The following CHTF18 variants were observed in gnomAD, a reference collection of about 807,000 sequenced individuals.
CHTF18 encodes chromosome transmission fidelity factor 18.
Under a neutral mutation model 113.4 loss-of-function variants are expected in CHTF18, and 151 were observed. The ratio of observed to expected loss-of-function variants is 1.33; its 90% CI spans 1.17 to 1.52. The LOEUF (loss-of-function observed/expected upper bound fraction) is 1.52. Among genes scored for constraint, CHTF18 ranks in the 40% most tolerant of loss-of-function variants. The pLI is 0.00. For missense variants in CHTF18, 1,982 were observed against 1,381.6 expected, an observed-to-expected ratio of 1.43 and a Z score of -6.89; for synonymous variants, 916 against 598.8, an observed-to-expected ratio of 1.53 and a Z score of -7.74.
chr16:793,877 G>T, intron 14 of CHTF18, 177 bp from the exon 15 acceptor site: 1 of 682,580 alleles, frequency 1.5e-6, no homozygotes, highest in South Asian at 1.8e-5. Context: ...ATGTTTCAGG[G>T]GGTTGAGGTC....
At position 792,476 on chromosome 16, in the gene CHTF18, A is replaced by AGGGGCCACAGGAGGT. The variant is rs753165810; in HGVS notation, c.1376_1390dup (p.Glu459_Gln463dup). 347 of 1,584,674 alleles carry AGGGGCCACAGGAGGT rather than the reference A, an allele frequency of 2.2e-4. No homozygotes were observed. Among genetic ancestry groups the AGGGGCCACAGGAGGT allele is most frequent in the Admixed American group, 1.1e-4 (6 of 54,564 alleles). ...GTCCTCCTGAGCATCCTGAACCGCA[A>AGGGGCCACAGGAGGT]GGGGCCACAGGAGGTGGGGCCACAG... On this transcript the variant is annotated inframe_insertion, in exon 11 of 22. Transcript: ENST00000262315.
chr16:794,302 T>C (rs2042280021), intron 15 of CHTF18, 101 bp downstream of exon 15: 6 of 1,385,950 alleles, frequency 4.3e-6, no homozygotes, highest in Non-Finnish European at 5.9e-6. Context: ...GGGAGGCGCT[T>C]TGGGGGTGCT....
intron 14 of CHTF18, 28 bp downstream of exon 14, chr16:793,302 G>C (rs2042252872): frequency 6.2e-7 from 1 of 1,602,742 alleles, no homozygotes; most frequent in South Asian, 1.1e-5. Context: ...CCTCGGCCCA[G>C]ATGCTCACGG....
chr16:790,492 G>A (rs2042165781), intron 6 of CHTF18, 33 bp from the exon 7 acceptor site: 1 of 1,606,236 alleles, frequency 6.2e-7, no homozygotes, highest in Non-Finnish European at 8.5e-7. Flanking sequence ...GTCCCTGCGA[G>A]TTGTTTGTGG....
At chr16:795,414 C>T (rs2042311150) in intron 16 of CHTF18, 58 bp downstream of exon 16, 3 of 1,365,356 alleles carry the variant, frequency 2.2e-6, no homozygotes, top group Non-Finnish European at 2.0e-6. Flanking sequence ...CCCTGTGCTG[C>T]CCGTGTGGCT....
rs1357263063 is a variant in CHTF18, at chr16:790,255, C to G, written c.685C>G (p.Gln229Glu). The change falls in exon 5 of 22, where the codon CAG becomes GAG. Residue 229 changes from glutamine (Q) to glutamate (E), a missense_variant. Gln to Glu is a conservative substitution (Grantham distance 29). Transcript: ENST00000262315. The stretch of plus-strand genomic sequence containing the variant: ...TGTGTCCTTAGCCTCCCTGAAGAAG[C>G]AGGTCGACGGCGAGGTAGGGGCTGC... ...LGVSLASLKK[Q>E]VDGERRERLL... 1 of 1,606,822 alleles carries G rather than the reference C, an allele frequency of 6.2e-7. No individual in the cohort carries two copies. The highest frequency in any genetic ancestry group is 1.7e-5 in the Admixed American group (1 of 59,168).
rs775230900 is a variant in CHTF18, at chr16:792,973, T to C, written c.1580T>C (p.Leu527Pro). The C allele has an allele frequency of 2.6e-6, 4 of 1,558,004 alleles. No individual in the cohort carries two copies. The highest frequency in any genetic ancestry group is 3.5e-6 in the Non-Finnish European group (4 of 1,151,506). Residue 527 changes from leucine to proline, a missense_variant, in exon 13 of 22, where the codon CTG (leucine) becomes CCG (proline). By Grantham distance (98) the Leu-to-Pro change is moderately conservative. Transcript: ENST00000262315. ...RLVQRLQEVSLRQGMRADPGV... is the reference protein window; with the variant it reads ...RLVQRLQEVSPRQGMRADPGV... ...GCAGCCCTTCTCCACCAGGTCTCCC[T>C]GCGGCAGGGCATGAGGGCCGACCCA...
rs141727487 is a variant in CHTF18 at position 797,183 on chromosome 16, T to TG, written c.2733+95dup. On this transcript the variant is annotated intron_variant, in intron 20 of 21. Transcript: ENST00000262315. ...TCATGAGGCGGGGCCAAGGCACCCA[T>TG]GGGGTGGGGCCAGGGTACCTTTGTG... is the stretch of plus-strand genomic sequence containing the variant. The TG allele has an allele frequency of 1.4e-3, 1,952 of 1,391,304 alleles. 28 individuals carry two copies. In the African/African-American group the frequency reaches 0.027, roughly 19 times the overall value. 86.2% of individuals were successfully genotyped at this position (1,391,304 alleles called of 1,614,324 possible).
Position 795,196 on chromosome 16 carries a change from C to T in CHTF18, c.2015C>T (p.Ala672Val), listed in dbSNP as rs1274964567. ...RDSSLGAVCV[A>V]LDWLAFDDLL... ...TCCAGCCTGGGTGCTGTGTGTGTGG[C>T]CCTCGACTGGCTGGCCTTCGATGAC... The change falls in exon 16 of 22, where the codon GCC becomes GTC. Residue 672 changes from alanine (A) to valine (V), a missense_variant. By Grantham distance (64) the Ala-to-Val change is moderately conservative (BLOSUM62 0). Transcript: ENST00000262315. 1.9e-6 allele frequency: 3 copies of T among 1,558,536 alleles called. No homozygotes were observed. The highest frequency in any genetic ancestry group is 2.6e-6 in the Non-Finnish European group (3 of 1,151,412).
In CHTF18 at chr16:795,241, A is replaced by T. The variant is rs1355991076; in HGVS notation, c.2060A>T (p.His687Leu). The part of the protein sequence containing the change: ...AFDDLLAGAA[H>L]HSQSFQLLRY... ...GATGACCTGCTGGCGGGGGCTGCTC[A>T]TCACAGCCAGAGCTTCCAGCTGCTG... The change falls in exon 16 of 22, where the codon CAT becomes CTT. Residue 687 changes from histidine (H) to leucine (L), a missense_variant. Coordinates refer to ENST00000262315, the MANE Select transcript of CHTF18 (RefSeq NM_022092.3). 1 of 1,549,970 alleles carries T rather than the reference A, an allele frequency of 6.5e-7. No individual in the cohort carries two copies. The highest frequency in any genetic ancestry group is 1.4e-5 in the African/African-American group (1 of 73,088).
intron 8 of CHTF18, 31 bp from the exon 9 acceptor site, chr16:791,820 C>T (rs1323522787): frequency 3.8e-6 from 6 of 1,574,866 alleles, no homozygotes; most frequent in Admixed American, 1.8e-5. Flanking sequence ...AGGTGCGGTG[C>T]ACACTACGCC....
At position 790,939 on chromosome 16, in the gene CHTF18, C is replaced by T. The variant is rs76468991; in HGVS notation, c.895-222C>T. On this transcript the variant is annotated intron_variant, in intron 7 of 21. Transcript: ENST00000262315. The stretch of plus-strand genomic sequence containing the variant: ...TTCACAGCAGCTGACACTGGAGTGC[C>T]CCTGGGGAGGGCAGGGGCCTCCCAG... The T allele has an allele frequency of 1.8e-3, 2,648 of 1,434,966 alleles. 40 individuals are homozygous for T. In the African/African-American group the frequency reaches 0.035, roughly 19 times the overall value. 88.9% of individuals were successfully genotyped at this position (1,434,966 alleles called of 1,614,324 possible). A position where few individuals can be genotyped will look rare whatever the true frequency, so the allele number is the denominator to read the frequency against.
At position 797,933 on chromosome 16, in the gene CHTF18, C is replaced by T. The variant is rs968294527; in HGVS notation, c.2886C>T (p.Ser962=). The change falls in exon 22 of 22, where the codon TCC becomes TCT. Residue 962 remains serine, a synonymous_variant. Transcript: ENST00000262315. ...GGTTCCGCTTCAACGAGGGTGTCTC[C>T]AACGCCGTGCGGCGCAGCCTGTACA... ...EVWFRFNEGV[S]NAVRRSLYIR... is the part of the protein sequence containing the mutation. The T allele has an allele frequency of 3.1e-6, 5 of 1,612,394 alleles. No homozygotes were observed. The highest frequency in any genetic ancestry group is 2.2e-5 in the South Asian group (2 of 91,018).
chr16:792,397 C>A, intron 10 of CHTF18, 42 bp from the exon 11 acceptor site: 7 of 1,561,758 alleles, frequency 4.5e-6, no homozygotes, highest in Non-Finnish European at 6.1e-6. Flanking sequence ...GGCAGGCGGG[C>A]AGCAGGGCCT....
intron 6 of CHTF18, 33 bp downstream of exon 6, chr16:790,432 C>T (rs909292170): frequency 1.3e-5 from 21 of 1,611,610 alleles, no homozygotes; most frequent in Non-Finnish European, 1.7e-5. Flanking sequence ...CCTGGGGACC[C>T]TTGTTGGCTC....
In CHTF18 at chr16:791,618, C is replaced by T. The variant is rs79809109; in HGVS notation, c.1105-233C>T. 3,095 of 1,429,486 alleles carry T rather than the reference C, an allele frequency of 2.2e-3. 39 individuals are homozygous for T. The East Asian group carries it at 0.022, about 10-fold the overall frequency. 88.6% of individuals were successfully genotyped at this position (1,429,486 alleles called of 1,614,324 possible). A position where few individuals can be genotyped will look rare whatever the true frequency, so the allele number is the denominator to read the frequency against. ...TGGACGGTGGGTGGTTTCTGGGGGC[C>T]AGTCACACTGGTATCAGCTGTGTTT... On this transcript the variant is annotated intron_variant, in intron 8 of 21. Coordinates refer to ENST00000262315, the MANE Select transcript of CHTF18 (RefSeq NM_022092.3).
rs753307088 is a variant in CHTF18, at chr16:789,074, A to G, written c.235A>G (p.Arg79Gly). The G allele has an allele frequency of 6.5e-7, 1 of 1,534,960 alleles. No individual in the cohort carries two copies. The highest frequency in any genetic ancestry group is 8.8e-7 in the Non-Finnish European group (1 of 1,139,260). ...TGTGGGCAGCAGCCAGGGCGGCGCC[A>G]GGAAGAGGCAGGTGGACGCCGACCT... ...ASVGSSQGGARKRQVDADLQP... is the reference protein window; with the variant it reads ...ASVGSSQGGAGKRQVDADLQP... Residue 79 changes from arginine (R) to glycine (G), a missense_variant, in exon 2 of 22, where the codon AGG becomes GGG. By Grantham distance (125) the Arg-to-Gly change is moderately radical (BLOSUM62 -2). Coordinates refer to ENST00000262315, the MANE Select transcript of CHTF18 (RefSeq NM_022092.3).
Position 792,505 on chromosome 16 carries a change from C to T in CHTF18, c.1393C>T (p.Pro465Ser). ...GCCACAGGAGGTGGGGCCACAGGGC[C>T]CGGCTGTGCCTTCGGGAGGCGGCCG... ...KGPQEVGPQGPAVPSGGGRRR... is the reference protein window; with the variant it reads ...KGPQEVGPQGSAVPSGGGRRR... Residue 465 changes from proline (P) to serine (S), a missense_variant, in exon 11 of 22, where the codon CCG (proline) becomes TCG (serine). Coordinates refer to ENST00000262315, the MANE Select transcript of CHTF18 (RefSeq NM_022092.3). 3 of 1,591,956 alleles carry T rather than the reference C, an allele frequency of 1.9e-6. No individual in the cohort carries two copies. The highest frequency in any genetic ancestry group is 1.3e-5 in the African/African-American group (1 of 74,234).
Position 796,093 on chromosome 16 carries a change from C to G in CHTF18, c.2456+16C>G, listed in dbSNP as rs1365520573. The G allele has an allele frequency of 6.3e-7, 1 of 1,593,814 alleles. No individual in the cohort carries two copies. Among genetic ancestry groups the G allele is most frequent in the Non-Finnish European group, 8.5e-7 (1 of 1,171,394 alleles). On this transcript the variant is annotated intron_variant, in intron 18 of 21. Transcript: ENST00000262315. ...GGCTGGAGCCGTGAGTCCCCCAGTG[C>G]CTGGGGTGTGCTCCAGGGTCATGCT...
Sources: allele counts gnomAD v4.1 joint callset, GRCh38; gene constraint gnomAD v4.1.1; transcripts MANE v1.5; gene names NCBI Gene and HGNC (gene_info 2026-07-23, HGNC 2026-07-21).